GJA5: variants seen among roughly 807,000 people sequenced by gnomAD.
The protein encoded by GJA5 is gap junction protein alpha 5, also known as gap junction alpha-5 protein.
Under a neutral mutation model 7.9 loss-of-function variants are expected in GJA5, and 3 were observed. The observed-to-expected ratio is 0.38, with a 90% CI of 0.17 to 0.99. The LOEUF (loss-of-function observed/expected upper bound fraction) is 0.99, where lower values mean the gene tolerates loss of function less well. GJA5 is among the 50% of genes least tolerant of loss of function. The pLI is 0.38. For synonymous variants in GJA5, 193 were observed against 181.0 expected (o/e 1.07, Z -0.53); for missense variants, 390 against 457.9 (o/e 0.85, Z 1.35).
At chr1:147,768,750 A>T (rs6664633) in intron 1 of GJA5, among the ~76,000 whole-genome samples, 1 of 151,938 alleles carries the variant, frequency 6.6e-6, no homozygotes, top group Non-Finnish European at 1.5e-5. Context: ...TCCCATTAAC[A>T]CTGCAAGGAA....
At chr1:147,768,549 T>C (rs1553228553) in intron 1 of GJA5, among the ~76,000 whole-genome samples, 1 of 152,212 alleles carries the variant, frequency 6.6e-6, no homozygotes, top group Non-Finnish European at 1.5e-5. Context: ...CCCACATTTC[T>C]TTATTATTTT....
At chr1:147,772,344 CT>C (rs1557952250) in intron 1 of GJA5, among the ~76,000 whole-genome samples, 1 of 152,146 alleles carries the variant, frequency 6.6e-6, no homozygotes, top group East Asian at 1.9e-4. Context: ...TTGCGCCTCC[CT>C]TTTTCAGTGG....
At chr1:147,768,400 G>GA (rs1664282537) in intron 1 of GJA5, among the ~76,000 whole-genome samples, 1 of 152,016 alleles carries the variant, frequency 6.6e-6, no homozygotes, top group African/African-American at 2.4e-5. Context: ...ACTGTTGGAA[G>GA]AAAAAATATG....
chr1:147,759,510 T>C (rs1663903745), intron 1 of GJA5, among the ~76,000 whole-genome samples: 1 of 152,230 alleles, frequency 6.6e-6, no homozygotes, highest in Non-Finnish European at 1.5e-5. Flanking sequence ...TCCCACACTT[T>C]AACGGATCTA....
In GJA5 at chr1:147,772,716, C is replaced by G. The variant is rs144051373; in HGVS notation, c.-34+536G>C. On this transcript the variant is annotated intron_variant, in intron 1 of 1. Transcript: ENST00000430508. ...CTGGATCTCTCACATGTGGCCACTG[C>G]ACAGCGGGGACATGATACTCTGCAG... Among the ~76,000 whole-genome samples the G allele has an allele frequency of 3.7e-4, 55 of 147,266 alleles. 1 individual carries two copies. In the East Asian group the frequency reaches 0.011, roughly 29 times the overall value.
At chr1:147,767,231 C>T (rs1418527035) in intron 1 of GJA5, among the ~76,000 whole-genome samples, 5 of 152,012 alleles carry the variant, frequency 3.3e-5, no homozygotes, top group Non-Finnish European at 7.4e-5. Flanking sequence ...TACCCAGTTA[C>T]ACACACAAAA....
chr1:147,764,690 G>C (rs1553227872), upstream of GJA5, among the ~76,000 whole-genome samples: 1 of 152,072 alleles, frequency 6.6e-6, no homozygotes, highest in African/African-American at 2.4e-5. Context: ...CCAGTGTGGT[G>C]GTGGGCACCT....
At chr1:147,771,277 A>G (rs1209890190) in intron 1 of GJA5, among the ~76,000 whole-genome samples, 2 of 152,240 alleles carry the variant, frequency 1.3e-5, no homozygotes, top group East Asian at 3.9e-4. Flanking sequence ...ATGGAATTGT[A>G]GAGACACTCA....
intron 1 of GJA5, among the ~76,000 whole-genome samples, chr1:147,769,561 A>G (rs1252703508): frequency 6.6e-6 from 1 of 152,052 alleles, no homozygotes; most frequent in African/African-American, 2.4e-5. Context: ...CTTTTCTGAC[A>G]TTTCCAGTAA....
chr1:147,773,350 T>A (rs1183502632), exon 1 of GJA5: 1 of 152,366 alleles, frequency 6.6e-6, no homozygotes, highest in Non-Finnish European at 1.5e-5. Flanking sequence ...CTTGAGCCTG[T>A]CAGTTGTTCC....
intron 1 of GJA5, among the ~76,000 whole-genome samples, chr1:147,769,754 A>C (rs1364671572): frequency 5.9e-5 from 9 of 152,090 alleles, no homozygotes; most frequent in African/African-American, 2.2e-4. Context: ...TTATCTCACA[A>C]GGCATCCAGA....
intron 1 of GJA5, among the ~76,000 whole-genome samples, chr1:147,769,478 A>G (rs1322646285): frequency 3.9e-5 from 6 of 152,246 alleles, no homozygotes; most frequent in Non-Finnish European, 2.9e-5. Flanking sequence ...GGATAACGTA[A>G]TGTGTGGACA....
At chr1:147,759,646 G>A (rs901730689) in intron 1 of GJA5, among the ~76,000 whole-genome samples, 3 of 152,272 alleles carry the variant, frequency 2.0e-5, no homozygotes, top group Non-Finnish European at 4.4e-5. Flanking sequence ...TGATGCAGGC[G>A]GTGAGGGACC....
intron 1 of GJA5, among the ~76,000 whole-genome samples, chr1:147,760,110 C>T (rs1240556165): frequency 6.6e-6 from 1 of 152,078 alleles, no homozygotes. Flanking sequence ...TCCCATGCCT[C>T]GGTGCAACAC....
At chr1:147,767,581 A>T (rs1614779) in intron 1 of GJA5, among the ~76,000 whole-genome samples, 11,058 of 65,716 alleles carry the variant, frequency 0.17, 1,032 homozygotes, top group East Asian at 0.35. Context: ...TTTTTTTTTT[A>T]GAGATGGGGT....
intron 1 of GJA5, among the ~76,000 whole-genome samples, chr1:147,770,428 A>G (rs1664353862): frequency 6.6e-6 from 1 of 151,892 alleles, no homozygotes; most frequent in Admixed American, 6.6e-5. Flanking sequence ...CAGCAGAAGG[A>G]GTCCTAGAAA....
At chr1:147,769,982 G>A (rs1664338803) in intron 1 of GJA5, among the ~76,000 whole-genome samples, 3 of 151,638 alleles carry the variant, frequency 2.0e-5, no homozygotes, top group Admixed American at 2.0e-4. Flanking sequence ...TGATCACCAA[G>A]CAGAAGGCAC....
upstream of GJA5, among the ~76,000 whole-genome samples, chr1:147,764,729 C>T (rs1664136910): frequency 6.7e-6 from 1 of 148,684 alleles, no homozygotes; most frequent in Admixed American, 6.9e-5. Context: ...GAGGCTGAGG[C>T]AGGAGAGTTG....
upstream of GJA5, among the ~76,000 whole-genome samples, chr1:147,764,151 T>C (rs1248312077): frequency 6.6e-6 from 1 of 152,138 alleles, no homozygotes; most frequent in African/African-American, 2.4e-5. Context: ...GCCAGTGTTT[T>C]TCAAAGAAAA....
Sources: gnomAD v4.1 joint callset for allele counts (sites outside exome capture counted in the v4.1 genomes callset) on GRCh38, gnomAD v4.1.1 for gene constraint, MANE v1.5 for transcripts, NCBI Gene and HGNC (gene_info 2026-07-23, HGNC 2026-07-21) for gene names.